Variants in MORC2 observed in about 807,000 individuals in gnomAD.
MORC2 encodes MORC family CW-type zinc finger 2.
A neutral mutation model predicts 136.0 loss-of-function variants in MORC2; 30 were observed. The ratio of observed to expected loss-of-function variants is 0.22; its 90% CI spans 0.17 to 0.30. The LOEUF is 0.30. MORC2 is among the 10% of genes least tolerant of loss of function. The probability of loss-of-function intolerance (pLI) is 1.00; values close to 1 mark genes in which losing one functional copy is unlikely to be tolerated. For missense variants in MORC2, 922 were observed against 1,333.1 expected (o/e 0.69, Z 4.80); for synonymous variants, 439 against 487.0 (o/e 0.90, Z 1.30).
At position 30,939,666 on chromosome 22, in the gene MORC2, C is replaced by T. The variant is rs753651729; in HGVS notation, c.1028G>A (p.Arg343His). The T allele has an allele frequency of 6.2e-6, 10 of 1,614,114 alleles. No individual in the cohort carries two copies. The highest frequency in any genetic ancestry group is 3.3e-5 in the Admixed American group (2 of 60,020). Reference sequence around the variant, plus strand: ...CCTCTTCTTGACATCGGCTTCTCTGCGCAGAGTGATGGCTCTGTTCTGGAC... The same window carrying T: ...CCTCTTCTTGACATCGGCTTCTCTGTGCAGAGTGATGGCTCTGTTCTGGAC... Reference protein sequence around the residue: ...RQVQNRAITLRREADVKKRIK... With the variant: ...RQVQNRAITLHREADVKKRIK... Residue 343 changes from arginine (R) to histidine (H), a missense_variant, in exon 12 of 26, where the codon CGC (arginine) becomes CAC (histidine). By Grantham distance (29) the Arg-to-His change is conservative. Around this residue, in one of 9 missense-constraint regions of MORC2, gnomAD observed 261 missense variants for 354.3 expected, o/e 0.74. Transcript: ENST00000397641.
Position 30,932,486 on chromosome 22 carries a change from A to G in MORC2, c.2748-34T>C. The G allele has an allele frequency of 6.2e-7, 1 of 1,612,726 alleles. No individual in the cohort carries two copies. The highest frequency in any genetic ancestry group is 8.5e-7 in the Non-Finnish European group (1 of 1,178,764). ...GGCAGGGACAGTAATTCAGAATGGC[A>G]TGGAGCAGGCAGAGAGCTGCTGCTG... On this transcript the variant is annotated intron_variant, in intron 23 of 25. Coordinates refer to ENST00000397641, the MANE Select transcript of MORC2 (RefSeq NM_001303256.3). The surrounding 1 kb of genome is among the most constrained non-coding windows in gnomAD (Gnocchi z 4.4).
At chr22:30,955,822 G>A (rs1292800668) in intron 3 of MORC2, among the ~76,000 whole-genome samples, 1 of 151,778 alleles carries the variant, frequency 6.6e-6, no homozygotes, top group Non-Finnish European at 1.5e-5. Context: ...CAGCCTGGCC[G>A]ACGTGGTGAA....
intron 1 of MORC2, 39 bp downstream of exon 1, chr22:30,967,783 A>C: frequency 6.5e-7 from 1 of 1,549,882 alleles, no homozygotes; most frequent in South Asian, 1.2e-5. Context: ...TCAAGGAACG[A>C]GTTACTGGTT....
intron 25 of MORC2, 80 bp downstream of exon 25, chr22:30,927,939 T>G: frequency 6.9e-5 from 105 of 1,527,580 alleles, no homozygotes; most frequent in Middle Eastern, 4.8e-4. Context: ...TAGATTCTTG[T>G]GAGAACAGGA....
rs774919019 is a variant in MORC2 at position 30,967,919 on chromosome 22, C to G, written c.-30G>C. ...GCAATAAGGTCTCCAGCCCTTCACC[C>G]GCTAACTGGGAAATATAACCTTATA... is the stretch of plus-strand genomic sequence containing the variant. On this transcript the variant is annotated 5_prime_UTR_variant, in exon 1 of 26. Transcript: ENST00000397641. The G allele has an allele frequency of 4.7e-6, 7 of 1,476,300 alleles. No homozygotes were observed. The African/African-American group carries it at 9.8e-5, about 21-fold the overall frequency. The allele number at this position is 1,476,300 out of a possible 1,614,324, so 91.5% of individuals were successfully genotyped here. A position where few individuals can be genotyped will look rare whatever the true frequency, so the allele number is the denominator to read the frequency against.
In MORC2 at chr22:30,933,039, G is replaced by A. The variant is rs748063847; in HGVS notation, c.2381-9C>T. ...CACGTGCAGCCCTTTATCTGACAAT[G>A]TAGACAGAGGTGCGAGTCAGAAAAC... On this transcript the variant is annotated splice_polypyrimidine_tract_variant and intron_variant, in intron 21 of 25. Coordinates refer to ENST00000397641, the MANE Select transcript of MORC2 (RefSeq NM_001303256.3). 1.2e-5 allele frequency: 19 copies of A among 1,613,554 alleles called. No individual in the cohort carries two copies. The highest frequency in any genetic ancestry group is 9.3e-6 in the Non-Finnish European group (11 of 1,179,970).
Position 30,932,669 on chromosome 22 carries a change from G to C in MORC2, c.2623C>G (p.Pro875Ala), listed in dbSNP as rs754127740. The C allele has an allele frequency of 6.2e-7, 1 of 1,614,108 alleles. No homozygotes were observed. Among genetic ancestry groups the C allele is most frequent in the South Asian group, 1.1e-5 (1 of 91,078 alleles). ...ACAGCTATGGCCTGCTGGGCCACAG[G>C]GCCCACCTCCTCCTCCCCGCCCTCC... ...QQEGGEEEVG[P>A]VAQQAIAVAE... The change falls in exon 23 of 26, where the codon CCT (proline) becomes GCT (alanine). Residue 875 changes from proline (P) to alanine (A), a missense_variant. Pro to Ala is a conservative substitution (Grantham distance 27). Transcript: ENST00000397641. This position sits in a 1 kb window ranked among gnomAD's most constrained non-coding sequence, Gnocchi z 4.4.
At chr22:30,945,018 T>C (rs998188702) in intron 6 of MORC2, among the ~76,000 whole-genome samples, 10 of 152,208 alleles carry the variant, frequency 6.6e-5, no homozygotes, top group Non-Finnish European at 1.2e-4. Flanking sequence ...AAGCCTAACC[T>C]GGCCCTCTCT....
chr22:30,949,694 G>T, intron 5 of MORC2, 58 bp downstream of exon 5: 1 of 1,355,056 alleles, frequency 7.4e-7, no homozygotes, highest in Non-Finnish European at 1.1e-6. Context: ...TCCAAGAGAA[G>T]CAGGACAGCA....
In MORC2 at chr22:30,938,231, G is replaced by T. The variant is rs8137040; in HGVS notation, c.1074-26C>A. The T allele has an allele frequency of 2.2e-3, 3,504 of 1,612,716 alleles. 52 individuals are homozygous for T. The African/African-American group carries it at 0.035, about 16-fold the overall frequency. ...CTAAGAAGACAAAAAAACTCAAGCA[G>T]ATCTACACATCGGCACACAAGCACC... On this transcript the variant is annotated intron_variant, in intron 12 of 25. Coordinates refer to ENST00000397641, the MANE Select transcript of MORC2 (RefSeq NM_001303256.3).
At chr22:30,947,020 G>A (rs1004715065) in intron 5 of MORC2, among the ~76,000 whole-genome samples, 8 of 152,190 alleles carry the variant, frequency 5.3e-5, no homozygotes, top group African/African-American at 1.7e-4. Flanking sequence ...TCACAAGCCC[G>A]AGAAAACATC....
In MORC2 at chr22:30,932,835, G is replaced by A; in HGVS notation, c.2522+54C>T. The A allele has an allele frequency of 1.2e-6, 2 of 1,613,418 alleles. No homozygotes were observed. The highest frequency in any genetic ancestry group is 1.7e-4 in the Middle Eastern group (1 of 6,060). The stretch of plus-strand genomic sequence containing the variant: ...TCCCAGGATGGGCTGCTGGCAGGGA[G>A]GCCGGGGATACCTCCTTCGAGGAAC... On this transcript the variant is annotated intron_variant, in intron 22 of 25. Coordinates refer to ENST00000397641, the MANE Select transcript of MORC2 (RefSeq NM_001303256.3). The surrounding 1 kb of genome is among the most constrained non-coding windows in gnomAD (Gnocchi z 4.4).
In MORC2 at chr22:30,937,203, G is replaced by T. The variant is rs755206619; in HGVS notation, c.1499-166C>A. On this transcript the variant is annotated intron_variant, in intron 15 of 25. Transcript: ENST00000397641. The surrounding 1 kb of genome is among the most constrained non-coding windows in gnomAD (Gnocchi z 4.7). ...TTAGAGAATACTAATTCTTCTCAGG[G>T]ACACTGATTCCAGGAAGGATGGAAA... is the stretch of plus-strand genomic sequence containing the variant. 4.6e-5 allele frequency among the ~76,000 whole-genome samples: 7 copies of T among 152,156 alleles called. No individual in the cohort carries two copies. Among genetic ancestry groups the T allele is most frequent in the Non-Finnish European group, 1.0e-4 (7 of 68,036 alleles).
rs769617472 is a variant in MORC2, at chr22:30,937,705, C to T, written c.1376G>A (p.Arg459Lys). ...CTCATCCCAGAACTTGATGATTCCC[C>T]TCTGGGCTGGAAAGCAAACACCGAT... ...QYWKDIAIAQRGIIKFWDEFG... is the reference protein window; with the variant it reads ...QYWKDIAIAQKGIIKFWDEFG... Residue 459 changes from arginine (R) to lysine (K), a missense_variant, in exon 15 of 26, where the codon AGG (arginine) becomes AAG (lysine). Physicochemically the swap from Arg to Lys is conservative, Grantham distance 26. Transcript: ENST00000397641. The surrounding 1 kb of genome is among the most constrained non-coding windows in gnomAD (Gnocchi z 4.7). The T allele has an allele frequency of 6.2e-7, 1 of 1,614,190 alleles. No individual in the cohort carries two copies. The highest frequency in any genetic ancestry group is 8.5e-7 in the Non-Finnish European group (1 of 1,180,028).
Position 30,967,960 on chromosome 22 carries a change from C to G in MORC2, c.-71G>C. ...TAACCTTATAATGATATCGATTTCC[C>G]AGGATTCTGTCCAGTAAAGCTTCAG... On this transcript the variant is annotated 5_prime_UTR_variant, in exon 1 of 26. Transcript: ENST00000397641. 7.5e-7 allele frequency: 1 copy of G among 1,330,444 alleles called. No homozygotes were observed. Among genetic ancestry groups the G allele is most frequent in the Non-Finnish European group, 1.1e-6 (1 of 947,198 alleles). 82.4% of individuals were successfully genotyped at this position (1,330,444 alleles called of 1,614,324 possible). A position where few individuals can be genotyped will look rare whatever the true frequency, so the allele number is the denominator to read the frequency against.
At chr22:30,957,989 T>G (rs1284915973) in intron 2 of MORC2, among the ~76,000 whole-genome samples, 2 of 152,206 alleles carry the variant, frequency 1.3e-5, no homozygotes, top group Non-Finnish European at 2.9e-5. Context: ...ATGTTTGCAT[T>G]CAGGAATAAG....
chr22:30,960,240 T>C (rs2147313019), intron 1 of MORC2, among the ~76,000 whole-genome samples: 1 of 152,268 alleles, frequency 6.6e-6, no homozygotes, highest in Non-Finnish European at 1.5e-5. Flanking sequence ...GTGCTGAGAT[T>C]ACAGACCTGA....
intron 24 of MORC2, among the ~76,000 whole-genome samples, chr22:30,929,531 G>A (rs1365873290): frequency 2.0e-5 from 3 of 152,078 alleles, no homozygotes; most frequent in East Asian, 1.9e-4. Flanking sequence ...GGTGGATCAC[G>A]AGGTCAGGAG....
intron 1 of MORC2, chr22:30,967,522 T>C: frequency 1.7e-6 from 2 of 1,187,556 alleles, no homozygotes; most frequent in Non-Finnish European, 2.1e-6. Context: ...TAGAGCAGTA[T>C]TTGTTGGATT....
Sources: allele counts gnomAD v4.1 joint callset (sites outside exome capture counted in the v4.1 genomes callset), GRCh38; gene constraint gnomAD v4.1.1; regional missense constraint gnomAD v4.1.1; non-coding constraint Gnocchi (gnomAD v3.1); transcripts MANE v1.5; gene names NCBI Gene and HGNC (gene_info 2026-07-23, HGNC 2026-07-21).